Variants in RPS6KC1 observed in about 807,000 individuals in gnomAD.
RPS6KC1 encodes inactive ribosomal protein S6 kinase delta-1.
Under a neutral mutation model 103.8 loss-of-function variants are expected in RPS6KC1, and 54 were observed. The ratio of observed to expected loss-of-function variants is 0.52; its 90% CI spans 0.42 to 0.65. The LOEUF is 0.65. Ranked by LOEUF, RPS6KC1 falls within the 30% of genes least tolerant of loss-of-function variation. The probability of loss-of-function intolerance (pLI) is 0.00; values close to 1 mark genes in which losing one functional copy is unlikely to be tolerated. For synonymous variants in RPS6KC1, 439 were observed against 438.7 expected (o/e 1.00, Z -0.01); for missense variants, 1,151 against 1,253.8 (o/e 0.92, Z 1.24).
At chr1:213,458,651 A>G in the RPS6KC1 span, among the ~76,000 whole-genome samples, 15 of 152,122 alleles carry the variant, frequency 9.9e-5, no homozygotes, top group Non-Finnish European at 1.9e-4. Flanking sequence ...ACTATGTTGA[A>G]TAGGAGTGGT....
the RPS6KC1 span, among the ~76,000 whole-genome samples, chr1:213,591,101 C>A: frequency 6.6e-6 from 1 of 152,274 alleles, no homozygotes; most frequent in Non-Finnish European, 1.5e-5. Context: ...GAGGTCTGGG[C>A]CACCGGGCAC....
chr1:213,647,229 G>T, the RPS6KC1 span, among the ~76,000 whole-genome samples: 3 of 152,014 alleles, frequency 2.0e-5, no homozygotes, highest in Non-Finnish European at 2.9e-5. Flanking sequence ...TAATATTTTT[G>T]AATCATGATT....
At chr1:213,556,843 T>C in the RPS6KC1 span, among the ~76,000 whole-genome samples, 1 of 152,234 alleles carries the variant, frequency 6.6e-6, no homozygotes, top group African/African-American at 2.4e-5. Context: ...AAGCTAACCC[T>C]GAGACACAGA....
the RPS6KC1 span, among the ~76,000 whole-genome samples, chr1:213,739,470 T>C: frequency 6.6e-6 from 1 of 152,064 alleles, no homozygotes; most frequent in East Asian, 1.9e-4. Context: ...GGGTCAACTG[T>C]AGTAAAATTA....
At chr1:213,189,169 C>A (rs946518073) in intron 8 of RPS6KC1, among the ~76,000 whole-genome samples, 1 of 152,020 alleles carries the variant, frequency 6.6e-6, no homozygotes, top group Non-Finnish European at 1.5e-5. Context: ...TGTACCTTGG[C>A]CAGGCATGGT....
chr1:213,808,202 C>A, the RPS6KC1 span, among the ~76,000 whole-genome samples: 1 of 152,160 alleles, frequency 6.6e-6, no homozygotes, highest in East Asian at 1.9e-4. Context: ...GGGGTGCCTC[C>A]CAGTTAGGCT....
chr1:213,448,225 CAAAAAAAAAAA>C, the RPS6KC1 span, among the ~76,000 whole-genome samples: 5 of 75,816 alleles, frequency 6.6e-5, no homozygotes, highest in East Asian at 1.1e-3. Context: ...GTGAGACTGT[CAAAAAAAAAAA>C]AAAAAAAAAA....
chr1:213,080,964 C>T (rs2148562569), intron 3 of RPS6KC1, among the ~76,000 whole-genome samples: 1 of 152,354 alleles, frequency 6.6e-6, no homozygotes, highest in South Asian at 2.1e-4. Flanking sequence ...GTTACAATTA[C>T]TGTGCCAACA....
chr1:213,225,580 G>C (rs961750952), intron 8 of RPS6KC1, among the ~76,000 whole-genome samples: 1 of 152,106 alleles, frequency 6.6e-6, no homozygotes, highest in Non-Finnish European at 1.5e-5. Context: ...GTAGAGACGA[G>C]GTTTCACCAC....
the RPS6KC1 span, among the ~76,000 whole-genome samples, chr1:213,464,526 C>G: frequency 6.6e-6 from 1 of 152,188 alleles, no homozygotes; most frequent in East Asian, 1.9e-4. Context: ...TCTTAGTTTA[C>G]TGATCAGTGC....
chr1:213,428,585 TC>T, the RPS6KC1 span: 1 of 84,488 alleles, frequency 1.2e-5, no homozygotes, highest in Non-Finnish European at 2.4e-5. Context: ...CCTCCCTCCC[TC>T]CCTTCCTGCC....
chr1:213,065,221 C>T (rs2078224797), intron 1 of RPS6KC1, among the ~76,000 whole-genome samples: 1 of 151,768 alleles, frequency 6.6e-6, no homozygotes, highest in South Asian at 2.1e-4. Context: ...GTGATCCACC[C>T]TCCTCGGCCT....
At chr1:213,193,980 T>G (rs1483666786) in intron 8 of RPS6KC1, among the ~76,000 whole-genome samples, 1 of 152,210 alleles carries the variant, frequency 6.6e-6, no homozygotes, top group Non-Finnish European at 1.5e-5. Flanking sequence ...AATATTTGCT[T>G]TATATATCTG....
the RPS6KC1 span, among the ~76,000 whole-genome samples, chr1:213,656,829 C>G: frequency 6.6e-6 from 1 of 152,174 alleles, no homozygotes; most frequent in Admixed American, 6.5e-5. Context: ...AATGTTCTTC[C>G]TACTATTCAC....
At chr1:213,800,821 T>C in the RPS6KC1 span, among the ~76,000 whole-genome samples, 1 of 152,218 alleles carries the variant, frequency 6.6e-6, no homozygotes, top group Non-Finnish European at 1.5e-5. Flanking sequence ...TGTGAGGTGA[T>C]TGCAACCTTT....
chr1:213,497,027 A>G, the RPS6KC1 span, among the ~76,000 whole-genome samples: 1 of 152,258 alleles, frequency 6.6e-6, no homozygotes, highest in Non-Finnish European at 1.5e-5. Context: ...GGAGATATGC[A>G]TTATATATTT....
chr1:213,131,916 A>T (rs1459720438), intron 6 of RPS6KC1, among the ~76,000 whole-genome samples: 1 of 152,258 alleles, frequency 6.6e-6, no homozygotes, highest in Admixed American at 6.5e-5. Context: ...GTGCTAAAAC[A>T]TCACTGGTGT....
the RPS6KC1 span, among the ~76,000 whole-genome samples, chr1:213,499,929 G>A: frequency 6.6e-6 from 1 of 152,196 alleles, no homozygotes; most frequent in Non-Finnish European, 1.5e-5. Context: ...CATAAATGGA[G>A]CTTGCAGGAT....
the RPS6KC1 span, among the ~76,000 whole-genome samples, chr1:213,365,519 T>C: frequency 6.6e-6 from 1 of 152,240 alleles, no homozygotes; most frequent in Non-Finnish European, 1.5e-5. Flanking sequence ...GTGTTTTAAA[T>C]AGTCATAATA....
Sources: allele counts gnomAD v4.1 joint callset (sites outside exome capture counted in the v4.1 genomes callset), GRCh38; gene constraint gnomAD v4.1.1; transcripts MANE v1.5; gene names NCBI Gene and HGNC (gene_info 2026-07-23, HGNC 2026-07-21).